Variants in PTGER3 observed in about 807,000 individuals in gnomAD.
PTGER3 encodes prostaglandin E receptor 3.
Under a neutral mutation model 34.7 loss-of-function variants are expected in PTGER3, and 22 were observed. The observed-to-expected ratio is 0.63, with a 90% CI of 0.45 to 0.91. PTGER3 has a LOEUF of 0.91. Among genes scored for constraint, PTGER3 ranks in the 40% least tolerant of loss-of-function variants. The probability of loss-of-function intolerance (pLI) is 0.00; values close to 1 mark genes in which losing one functional copy is unlikely to be tolerated. For missense variants in PTGER3, 468 were observed against 519.4 expected (o/e 0.90, Z 0.96); for synonymous variants, 241 against 230.1 (o/e 1.05, Z -0.43).
At chr1:70,888,270 C>G (rs941696350) in intron 4 of PTGER3, among the ~76,000 whole-genome samples, 2 of 152,076 alleles carry the variant, frequency 1.3e-5, no homozygotes, top group Non-Finnish European at 2.9e-5. Flanking sequence ...GAAAAACCAC[C>G]ATTTAAAAGG....
chr1:71,046,905 A>G lies in PTGER3; in HGVS notation c.673T>C (p.Trp225Arg). The change falls in exon 1 of 4, where the codon TGG becomes CGG. Residue 225 changes from tryptophan to arginine, a missense_variant. Around this residue, in one of 5 missense-constraint regions of PTGER3, gnomAD observed 204 missense variants for 230.8 expected, o/e 0.88. Coordinates refer to ENST00000306666, the MANE Select transcript of PTGER3 (RefSeq NM_198719.2). ...GGNGTSSSHNWGNLFFASAFA... is the reference protein window; with the variant it reads ...GGNGTSSSHNRGNLFFASAFA... ...GCAGAGGCGAAGAAAAGGTTGCCCC[A>G]GTTATGCGAAGAGCTAGTCCCGTTG... The G allele has an allele frequency of 6.2e-7, 1 of 1,612,070 alleles. No individual in the cohort carries two copies. Among genetic ancestry groups the G allele is most frequent in the Non-Finnish European group, 8.5e-7 (1 of 1,179,148 alleles).
chr1:70,902,208 A>T (rs1348265301), intron 4 of PTGER3, among the ~76,000 whole-genome samples: 1 of 152,214 alleles, frequency 6.6e-6, no homozygotes, highest in African/African-American at 2.4e-5. Flanking sequence ...AGAATAAGAC[A>T]AAGTTATCAG....
intron 4 of PTGER3, among the ~76,000 whole-genome samples, chr1:70,910,518 C>G (rs1041068770): frequency 1.3e-5 from 2 of 152,164 alleles, no homozygotes; most frequent in African/African-American, 2.4e-5. Context: ...AAGTGATTCT[C>G]TCACCTCAGT....
intron 4 of PTGER3, among the ~76,000 whole-genome samples, chr1:70,856,364 G>A (rs1350529019): frequency 3.3e-5 from 5 of 150,188 alleles, no homozygotes; most frequent in African/African-American, 4.9e-5. Context: ...CATTTGAGCC[G>A]CTGAGGTGGA....
At chr1:70,942,414 T>G (rs914720545) in intron 4 of PTGER3, among the ~76,000 whole-genome samples, 2 of 152,186 alleles carry the variant, frequency 1.3e-5, no homozygotes. Flanking sequence ...AATTCAATCC[T>G]TAATTACCTT....
chr1:70,869,312 C>G, intron 4 of PTGER3: 2 of 471,366 alleles, frequency 4.2e-6, no homozygotes, highest in South Asian at 3.1e-5. Context: ...TCCATCAGGC[C>G]CCATCTCCTA....
chr1:70,925,822 A>T (rs568286987), intron 4 of PTGER3, among the ~76,000 whole-genome samples: 31 of 152,290 alleles, frequency 2.0e-4, no homozygotes, highest in Admixed American at 1.4e-3. Flanking sequence ...ATGTTCTAGG[A>T]TGTAAGTCGG....
chr1:70,955,741 A>C (rs144870690), intron 2 of PTGER3, among the ~76,000 whole-genome samples: 207 of 152,304 alleles, frequency 1.4e-3, no homozygotes, highest in Non-Finnish European at 2.4e-3. Flanking sequence ...ATTGGTCATT[A>C]GTTCTCAAAG....
chr1:70,943,058 T>C (rs575558666), intron 4 of PTGER3, among the ~76,000 whole-genome samples: 7 of 152,292 alleles, frequency 4.6e-5, no homozygotes, highest in African/African-American at 1.7e-4. Flanking sequence ...TGTCATAGCA[T>C]CCTGAGCATA....
intron 1 of PTGER3, among the ~76,000 whole-genome samples, chr1:71,031,245 AACACACAC>A (rs56278148): frequency 0.13 from 19,915 of 149,020 alleles, 1,511 homozygotes; most frequent in Middle Eastern, 0.21. Context: ...GTGGCAGGAA[AACACACAC>A]ACACACACAC....
intron 4 of PTGER3, chr1:70,886,188 G>C (rs1286161816): frequency 3.5e-5 from 13 of 366,592 alleles, no homozygotes. Context: ...GAAGAGACAA[G>C]AGAGAGCTTG....
Position 71,031,245 on chromosome 1 carries a change from AACACACACACAC to A in PTGER3, c.897+15424_897+15435del, listed in dbSNP as rs56278148. ...TTTCCCAACAGATAGGTGGCAGGAA[AACACACACACAC>A]ACACACACACACACACACACACACA... On this transcript the variant is annotated intron_variant, in intron 1 of 3. Coordinates refer to ENST00000306666, the MANE Select transcript of PTGER3 (RefSeq NM_198719.2). Among the ~76,000 whole-genome samples, 262 of 149,324 alleles carry A rather than the reference AACACACACACAC, an allele frequency of 1.8e-3. 1 individual carries two copies. Among genetic ancestry groups the A allele is most frequent in the Middle Eastern group, 0.014 (4 of 292 alleles).
At chr1:70,852,832 G>GC (rs780093374) in exon 5 of PTGER3, 1 of 1,613,310 alleles carries the variant, frequency 6.2e-7, no homozygotes, top group Non-Finnish European at 8.5e-7. Flanking sequence ...TGGCAGAAAG[G>GC]CAGGTTTTAA....
intron 4 of PTGER3, among the ~76,000 whole-genome samples, chr1:70,858,693 T>G (rs1645863131): frequency 6.6e-6 from 1 of 152,170 alleles, no homozygotes; most frequent in Admixed American, 6.5e-5. Context: ...GAAAATGACA[T>G]AAAACATTTT....
intron 4 of PTGER3, among the ~76,000 whole-genome samples, chr1:70,910,837 C>T (rs1190706021): frequency 2.6e-5 from 4 of 152,144 alleles, no homozygotes; most frequent in Non-Finnish European, 4.4e-5. Context: ...AATCCCAGCA[C>T]TTTGGGAGGC....
chr1:70,880,551 A>G (rs1646368543), intron 4 of PTGER3, among the ~76,000 whole-genome samples: 1 of 151,764 alleles, frequency 6.6e-6, no homozygotes, highest in Admixed American at 6.6e-5. Flanking sequence ...TTAGCCAGGC[A>G]TGATGGCGGG....
rs1236915750 is a variant in PTGER3, at chr1:71,047,759, C to T, written c.-182G>A. The T allele has an allele frequency of 5.7e-6, 3 of 528,572 alleles. No homozygotes were observed. The highest frequency in any genetic ancestry group is 8.5e-6 in the Non-Finnish European group (3 of 352,040). 32.7% of individuals were successfully genotyped at this position (528,572 alleles called of 1,614,324 possible). ...GACCGCGGCCGCGGCGGCGCCAGGGCTCACTGGCCCGGGAGGGAGCCACGC... is the reference window on the plus strand; with the variant it reads ...GACCGCGGCCGCGGCGGCGCCAGGGTTCACTGGCCCGGGAGGGAGCCACGC... On this transcript the variant is annotated 5_prime_UTR_variant, in exon 1 of 4. Coordinates refer to ENST00000306666, the MANE Select transcript of PTGER3 (RefSeq NM_198719.2).
chr1:70,998,162 G>A (rs1656151519), intron 2 of PTGER3: 1 of 152,226 alleles, frequency 6.6e-6, no homozygotes, highest in Non-Finnish European at 1.5e-5. Context: ...GTTCTTAGAT[G>A]CAGTCAGGTT....
chr1:70,899,994 G>C (rs1646802731), intron 4 of PTGER3, among the ~76,000 whole-genome samples: 1 of 151,970 alleles, frequency 6.6e-6, no homozygotes, highest in Non-Finnish European at 1.5e-5. Flanking sequence ...GAGTTATAAG[G>C]ATTCTGAAAA....
Sources: gnomAD v4.1 joint callset for allele counts (sites outside exome capture counted in the v4.1 genomes callset) on GRCh38, gnomAD v4.1.1 for gene constraint, gnomAD v4.1.1 regional missense constraint, MANE v1.5 for transcripts, NCBI Gene and HGNC (gene_info 2026-07-23, HGNC 2026-07-21) for gene names.